Variants in CAMK2B observed in about 807,000 individuals in gnomAD.
The protein encoded by CAMK2B is calcium/calmodulin-dependent protein kinase type II subunit beta.
CAMK2B carries 27 observed loss-of-function variants against 93.7 expected under a neutral mutation model. The observed-to-expected ratio is 0.29, with a 90% CI of 0.21 to 0.40. CAMK2B has a LOEUF of 0.40. CAMK2B is among the 10% of genes least tolerant of loss of function. CAMK2B has a pLI of 1.00. For missense variants in CAMK2B, 568 were observed against 895.8 expected, an observed-to-expected ratio of 0.63 and a Z score of 4.67; for synonymous variants, 374 against 358.8, an observed-to-expected ratio of 1.04 and a Z score of -0.48.
chr7:44,228,927 G>A lies in CAMK2B; in HGVS notation c.1340-3C>T. The A allele has an allele frequency of 1.2e-6, 2 of 1,608,762 alleles. No individual in the cohort carries two copies. Among genetic ancestry groups the A allele is most frequent in the Non-Finnish European group, 1.7e-6 (2 of 1,177,446 alleles). ...CAGGATGTCAGAGATCCTGGGGGCT[G>A]GGGTGGAACAGATGAGACGTGAACA... is the stretch of plus-strand genomic sequence containing the variant. On this transcript the variant is annotated splice_polypyrimidine_tract_variant and splice_region_variant and intron_variant, in intron 18 of 23. Transcript: ENST00000395749.
rs899978286 is a variant in CAMK2B at position 44,241,829 on chromosome 7, G to T, written c.820-46C>A. The T allele has an allele frequency of 8.6e-6, 13 of 1,507,856 alleles. No individual in the cohort carries two copies. The Admixed American group carries it at 1.3e-4, about 16-fold the overall frequency. 93.4% of individuals were successfully genotyped at this position (1,507,856 alleles called of 1,614,324 possible). A position where few individuals can be genotyped will look rare whatever the true frequency, so the allele number is the denominator to read the frequency against. On this transcript the variant is annotated intron_variant, in intron 10 of 23. Transcript: ENST00000395749. ...ATATGGCAGCCGAGCCCGAGGCACA[G>T]GGGAGAGGCCAGGGTGGCAAGGCTT...
chr7:44,300,044 G>GTGTGTGTA, intron 1 of CAMK2B, among the ~76,000 whole-genome samples: 2 of 151,578 alleles, frequency 1.3e-5, no homozygotes, highest in Non-Finnish European at 2.9e-5. Context: ...GTGTGTGTGT[G>GTGTGTGTA]TGTGTGTGTG....
At position 44,234,598 on chromosome 7, in the gene CAMK2B, T is replaced by C. The variant is rs767477030; in HGVS notation, c.1059+41A>G. ...AGGGCGTGGGGGTGAAGCTGCAGGC[T>C]CTGGGCTCCCCGGCACCACAGGGCC... On this transcript the variant is annotated intron_variant, in intron 14 of 23. Transcript: ENST00000395749. The C allele has an allele frequency of 1.1e-5, 18 of 1,612,108 alleles. No individual in the cohort carries two copies. In the South Asian group the frequency reaches 1.9e-4, roughly 17 times the overall value.
chr7:44,313,851 C>T lies in CAMK2B; in HGVS notation c.65+11506G>A, dbSNP rs1029486738. Among the ~76,000 whole-genome samples, 11 of 151,218 alleles carry T rather than the reference C, an allele frequency of 7.3e-5. No individual in the cohort carries two copies. In the South Asian group the frequency reaches 8.7e-4, roughly 12 times the overall value. ...GGCTAAGTTTAGAGATGCTGTCATC[C>T]GGCACCAGTCAGATGCTCCAGTGAC... is the stretch of plus-strand genomic sequence containing the variant. On this transcript the variant is annotated intron_variant, in intron 1 of 23. Coordinates refer to ENST00000395749, the MANE Select transcript of CAMK2B (RefSeq NM_001220.5).
chr7:44,282,107 T>C (rs1006131275), intron 2 of CAMK2B, among the ~76,000 whole-genome samples: 9 of 152,182 alleles, frequency 5.9e-5, no homozygotes, highest in South Asian at 4.1e-4. Flanking sequence ...CACGCACACA[T>C]AGACCTCCTC....
chr7:44,321,094 G>A lies in CAMK2B; in HGVS notation c.65+4263C>T, dbSNP rs534154741. 9.2e-5 allele frequency among the ~76,000 whole-genome samples: 14 copies of A among 152,356 alleles called. No individual in the cohort carries two copies. The South Asian group carries it at 2.9e-3, about 32-fold the overall frequency. ...AAGGCCCCCGAGGCAGGGAGTGCCT[G>A]GTGTGCTCTGGGGAGAGAGAAAGCA... On this transcript the variant is annotated intron_variant, in intron 1 of 23. Coordinates refer to ENST00000395749, the MANE Select transcript of CAMK2B (RefSeq NM_001220.5).
intron 1 of CAMK2B, among the ~76,000 whole-genome samples, chr7:44,297,473 G>A (rs1409848900): frequency 6.6e-6 from 1 of 152,098 alleles, no homozygotes; most frequent in Admixed American, 6.5e-5. Context: ...AACAAATATG[G>A]TAGCTATCAA....
intron 2 of CAMK2B, among the ~76,000 whole-genome samples, chr7:44,272,748 G>A (rs2096986598): frequency 2.0e-5 from 3 of 152,344 alleles, no homozygotes; most frequent in African/African-American, 7.2e-5. Context: ...CTGCAGTAGG[G>A]CCACTTCCAG....
chr7:44,252,376 A>T (rs754408551), intron 5 of CAMK2B, among the ~76,000 whole-genome samples: 9 of 151,696 alleles, frequency 5.9e-5, no homozygotes, highest in Non-Finnish European at 1.3e-4. Flanking sequence ...GCCAAGAGGG[A>T]TCCACAGGAG....
At chr7:44,223,301 CCTAA>C (rs1426463817) in intron 20 of CAMK2B, among the ~76,000 whole-genome samples, 1 of 152,192 alleles carries the variant, frequency 6.6e-6, no homozygotes, top group Non-Finnish European at 1.5e-5. Context: ...CCCTTTCTTT[CCTAA>C]CTTTCATCTA....
chr7:44,256,554 G>C (rs562445926), intron 4 of CAMK2B, among the ~76,000 whole-genome samples: 14 of 152,236 alleles, frequency 9.2e-5, no homozygotes, highest in Non-Finnish European at 1.8e-4. Context: ...CATGTGCATT[G>C]GGCAGGAGGA....
In CAMK2B at chr7:44,234,621, GC is replaced by G. The variant is rs1170176670; in HGVS notation, c.1059+17del. On this transcript the variant is annotated intron_variant, in intron 14 of 23. Transcript: ENST00000395749. The stretch of plus-strand genomic sequence containing the variant: ...GCTCTGGGCTCCCCGGCACCACAGG[GC>G]CCGGCTGGAGCCTCACCTTGACTCC... The G allele has an allele frequency of 1.9e-6, 3 of 1,613,588 alleles. No homozygotes were observed. Among genetic ancestry groups the G allele is most frequent in the Admixed American group, 1.7e-5 (1 of 59,990 alleles).
intron 17 of CAMK2B, 132 bp from the exon 18 acceptor site, chr7:44,229,633 A>G: frequency 1.1e-5 from 2 of 180,588 alleles, no homozygotes; most frequent in South Asian, 9.8e-5. Context: ...CCTGGGGTGG[A>G]GGTGGGGTGG....
chr7:44,240,601 C>G (rs1489896191), intron 12 of CAMK2B, 106 bp downstream of exon 12: 19 of 1,303,236 alleles, frequency 1.5e-5, no homozygotes, highest in Non-Finnish European at 2.0e-5. Context: ...CGAGGGCAGG[C>G]CTGCCGCAGA....
At chr7:44,288,051 C>A (rs1045238256) in intron 1 of CAMK2B, among the ~76,000 whole-genome samples, 1 of 152,194 alleles carries the variant, frequency 6.6e-6, no homozygotes, top group African/African-American at 2.4e-5. Flanking sequence ...GCTTGTCCAG[C>A]CCAGCAGTAC....
intron 2 of CAMK2B, among the ~76,000 whole-genome samples, chr7:44,264,358 G>A (rs1259640768): frequency 1.3e-5 from 2 of 152,170 alleles, no homozygotes; most frequent in Non-Finnish European, 2.9e-5. Context: ...TGTGGTGGTG[G>A]CAGCCTGGGG....
chr7:44,291,777 G>A (rs1177911593), intron 1 of CAMK2B, among the ~76,000 whole-genome samples: 1 of 152,170 alleles, frequency 6.6e-6, no homozygotes. Flanking sequence ...TGCCATGACT[G>A]TTTCAGTCAT....
chr7:44,282,500 C>T (rs1253614251), intron 2 of CAMK2B, among the ~76,000 whole-genome samples: 2 of 152,220 alleles, frequency 1.3e-5, no homozygotes, highest in Non-Finnish European at 2.9e-5. Flanking sequence ...CATGGCCCCT[C>T]GTGGGCTGGG....
At position 44,225,215 on chromosome 7, in the gene CAMK2B, G is replaced by T. The variant is rs1287663674; in HGVS notation, c.1597+1301C>A. On this transcript the variant is annotated intron_variant, in intron 20 of 23. Transcript: ENST00000395749. The surrounding 1 kb of genome is among the most constrained non-coding windows in gnomAD (Gnocchi z 5.0). ...GGGCAGGCTGCAGTCCTGGGCTGGGGTCATGCCAACCTGATGGGGTGACCT... is the reference window on the plus strand; with the variant it reads ...GGGCAGGCTGCAGTCCTGGGCTGGGTTCATGCCAACCTGATGGGGTGACCT... 6.6e-6 allele frequency among the ~76,000 whole-genome samples: 1 copy of T among 152,168 alleles called. No individual in the cohort carries two copies. The highest frequency in any genetic ancestry group is 1.5e-5 in the Non-Finnish European group (1 of 68,012).
Sources: allele counts gnomAD v4.1 joint callset (sites outside exome capture counted in the v4.1 genomes callset), GRCh38; gene constraint gnomAD v4.1.1; non-coding constraint Gnocchi (gnomAD v3.1); transcripts MANE v1.5; gene names NCBI Gene and HGNC (gene_info 2026-07-23, HGNC 2026-07-21).